The following ERG variants were observed in gnomAD, a reference collection of about 807,000 sequenced individuals.
ERG encodes the protein ETS transcription factor ERG, also known as transcriptional regulator ERG.
ERG carries 9 observed loss-of-function variants against 55.3 expected under a neutral mutation model. That is an observed-to-expected ratio of 0.16 (90% CI 0.10 to 0.28). ERG has a LOEUF of 0.28. ERG is among the 10% of genes least tolerant of loss of function. ERG has a pLI of 1.00. For missense variants in ERG, 434 were observed against 631.6 expected (o/e 0.69, Z 3.35); for synonymous variants, 223 against 237.3 (o/e 0.94, Z 0.55).
At chr21:38,369,269 C>T in the ERG span, among the ~76,000 whole-genome samples, 2 of 152,154 alleles carry the variant, frequency 1.3e-5, no homozygotes, top group Admixed American at 1.3e-4. Context: ...CACAACCTTG[C>T]CAGCATCTGT....
intron 2 of ERG, among the ~76,000 whole-genome samples, chr21:38,430,268 AT>A (rs1990144489): frequency 3.3e-5 from 5 of 151,218 alleles, no homozygotes; most frequent in Admixed American, 2.6e-4. Context: ...GAAATTATTT[AT>A]TTTTTTCTTG....
chr21:38,378,221 C>G (rs1185677328), downstream of ERG, among the ~76,000 whole-genome samples: 1 of 152,220 alleles, frequency 6.6e-6, no homozygotes, highest in African/African-American at 2.4e-5. Context: ...ATGGACAACA[C>G]TTAATATTTC....
At chr21:38,564,241 T>C (rs2059909291) in intron 2 of ERG, among the ~76,000 whole-genome samples, 1 of 151,842 alleles carries the variant, frequency 6.6e-6, no homozygotes, top group Non-Finnish European at 1.5e-5. Context: ...TTCTTTTATA[T>C]CTATTAAACA....
chr21:38,554,748 T>G (rs1395734438), intron 2 of ERG, among the ~76,000 whole-genome samples: 1 of 151,408 alleles, frequency 6.6e-6, no homozygotes, highest in Non-Finnish European at 1.5e-5. Context: ...GTTTATGAAA[T>G]AATCTGCACA....
intron 2 of ERG, among the ~76,000 whole-genome samples, chr21:38,520,683 C>T (rs891460628): frequency 2.0e-5 from 3 of 152,162 alleles, no homozygotes; most frequent in Non-Finnish European, 4.4e-5. Flanking sequence ...GTGACTCATT[C>T]CAGGAGTTTC....
intron 1 of ERG, among the ~76,000 whole-genome samples, chr21:38,595,614 G>T (rs577632494): frequency 6.6e-6 from 1 of 152,150 alleles, no homozygotes; most frequent in African/African-American, 2.4e-5. Flanking sequence ...GGGCGGGAGC[G>T]GTGGAGGCTG....
chr21:38,399,857 C>T (rs1163487113), intron 6 of ERG, among the ~76,000 whole-genome samples: 1 of 152,200 alleles, frequency 6.6e-6, no homozygotes, highest in Non-Finnish European at 1.5e-5. Flanking sequence ...GGTCACTCTA[C>T]TGAAACATCT....
At chr21:38,547,659 G>C (rs1220820098) in intron 2 of ERG, among the ~76,000 whole-genome samples, 1 of 152,184 alleles carries the variant, frequency 6.6e-6, no homozygotes, top group Non-Finnish European at 1.5e-5. Flanking sequence ...TTATGTTGTA[G>C]AAACTGATTT....
chr21:38,457,937 T>G (rs2059005462), intron 1 of ERG, among the ~76,000 whole-genome samples: 1 of 152,218 alleles, frequency 6.6e-6, no homozygotes, highest in South Asian at 2.1e-4. Flanking sequence ...TCTCTTCCAC[T>G]CTAGCAGACT....
At chr21:38,455,868 TC>T (rs200521885) in intron 1 of ERG, among the ~76,000 whole-genome samples, 1,352 of 130,634 alleles carry the variant, frequency 0.01, 61 homozygotes, top group African/African-American at 0.035. Flanking sequence ...ATTGGTACGG[TC>T]CCCCCCCTCC....
intron 2 of ERG, among the ~76,000 whole-genome samples, chr21:38,520,522 G>A (rs531157911): frequency 2.6e-4 from 40 of 152,324 alleles, no homozygotes; most frequent in East Asian, 1.9e-4. Flanking sequence ...CAAACATGGC[G>A]GGAAGCCATT....
At chr21:38,515,936 T>C (rs1389945758) in intron 2 of ERG, among the ~76,000 whole-genome samples, 2 of 152,064 alleles carry the variant, frequency 1.3e-5, no homozygotes, top group Non-Finnish European at 2.9e-5. Context: ...TTAACATTGT[T>C]TCATAGTAAA....
At chr21:38,495,722 G>T (rs1480174212) in intron 1 of ERG, among the ~76,000 whole-genome samples, 1 of 151,964 alleles carries the variant, frequency 6.6e-6, no homozygotes, top group Non-Finnish European at 1.5e-5. Context: ...TTCCCAAATT[G>T]CAGATGGCAT....
chr21:38,412,011 T>C (rs1357232907), intron 3 of ERG, among the ~76,000 whole-genome samples: 1 of 152,242 alleles, frequency 6.6e-6, no homozygotes, highest in Non-Finnish European at 1.5e-5. Flanking sequence ...ATTTCTATTT[T>C]TGTCAGCTTT....
intron 1 of ERG, among the ~76,000 whole-genome samples, chr21:38,609,789 G>A (rs1337234428): frequency 6.6e-6 from 1 of 152,192 alleles, no homozygotes; most frequent in Non-Finnish European, 1.5e-5. Context: ...GATACCAAAT[G>A]GAAGAGGAAG....
chr21:38,518,453 A>C lies in ERG; in HGVS notation c.-41+57209T>G, dbSNP rs1331291746. Among the ~76,000 whole-genome samples, 3 of 152,214 alleles carry C rather than the reference A, an allele frequency of 2.0e-5. No homozygotes were observed. In the East Asian group the frequency reaches 5.8e-4, roughly 29 times the overall value. On this transcript the variant is annotated intron_variant, in intron 2 of 8. Transcript: ENST00000398897. ...GGAAAAGAAAGGAAAGTTCAGAAAC[A>C]GATTCACACATATATGGACACACTT...
intron 2 of ERG, among the ~76,000 whole-genome samples, chr21:38,507,418 T>C (rs555529552): frequency 2.6e-5 from 4 of 152,214 alleles, no homozygotes; most frequent in African/African-American, 4.8e-5. Context: ...TTAAAATGCA[T>C]TGGAGATGGA....
At chr21:38,367,572 T>C in the ERG span, 1 of 506,712 alleles carries the variant, frequency 2.0e-6, no homozygotes, top group South Asian at 1.6e-5. Context: ...CGCTGCCTTC[T>C]ATGACCCAGT....
chr21:38,572,114 T>C (rs895945926), intron 2 of ERG, among the ~76,000 whole-genome samples: 2 of 151,260 alleles, frequency 1.3e-5, no homozygotes, highest in Admixed American at 1.3e-4. Context: ...CCCAGCACTT[T>C]GGGAGGCCAA....
Sources: gnomAD v4.1 joint callset for allele counts (sites outside exome capture counted in the v4.1 genomes callset) on GRCh38, gnomAD v4.1.1 for gene constraint, MANE v1.5 for transcripts, NCBI Gene and HGNC (gene_info 2026-07-23, HGNC 2026-07-21) for gene names.